LDLRAD3: variants seen among roughly 807,000 people sequenced by gnomAD.
LDLRAD3 encodes low-density lipoprotein receptor class A domain-containing protein 3.
A neutral mutation model predicts 29.4 loss-of-function variants in LDLRAD3; 20 were observed. That is an observed-to-expected ratio of 0.68 (90% CI 0.48 to 0.99). The LOEUF (loss-of-function observed/expected upper bound fraction) is 0.99. Among genes scored for constraint, LDLRAD3 ranks in the 50% least tolerant of loss-of-function variants. The pLI, the probability that LDLRAD3 is intolerant of heterozygous loss-of-function variation, is 0.00. For missense variants in LDLRAD3, 420 were observed against 454.3 expected (o/e 0.92, Z 0.69); for synonymous variants, 157 against 192.7 (o/e 0.81, Z 1.53).
chr11:35,984,652 A>T (rs1318079902), intron 1 of LDLRAD3, among the ~76,000 whole-genome samples: 1 of 152,154 alleles, frequency 6.6e-6, no homozygotes, highest in African/African-American at 2.4e-5. Flanking sequence ...TGTTTGTGAG[A>T]TGGAGTTTCG....
intron 4 of LDLRAD3, among the ~76,000 whole-genome samples, chr11:36,219,936 A>G (rs985029355): frequency 6.6e-6 from 1 of 152,242 alleles, no homozygotes; most frequent in Non-Finnish European, 1.5e-5. Flanking sequence ...GTGATAAAAT[A>G]CTATGTCACA....
In LDLRAD3 at chr11:36,067,887, C is replaced by T. The variant is rs532325114; in HGVS notation, c.194-13766C>T. On this transcript the variant is annotated intron_variant, in intron 2 of 5. Transcript: ENST00000315571. ...GTTTCACCATGTTGCTCAGGCTGGT[C>T]TTGAACTCTGAGTTCAAGCAATCCA... Among the ~76,000 whole-genome samples the T allele has an allele frequency of 1.4e-4, 21 of 152,196 alleles. No homozygotes were observed. In the South Asian group the frequency reaches 4.4e-3, roughly 32 times the overall value.
rs1031398928 is a variant in LDLRAD3, at chr11:36,061,009, G to A, written c.194-20644G>A. Among the ~76,000 whole-genome samples, 9 of 152,316 alleles carry A rather than the reference G, an allele frequency of 5.9e-5. No homozygotes were observed. In the South Asian group the frequency reaches 6.2e-4, roughly 11 times the overall value. On this transcript the variant is annotated intron_variant, in intron 2 of 5. Coordinates refer to ENST00000315571, the MANE Select transcript of LDLRAD3 (RefSeq NM_174902.4). Reference sequence around the variant, plus strand: ...GCTTCCTGTCTTCTGTGCAGTGTTGGTAATCATTCCTGCCTCACAGTTTTT... The same window carrying A: ...GCTTCCTGTCTTCTGTGCAGTGTTGATAATCATTCCTGCCTCACAGTTTTT...
intron 2 of LDLRAD3, among the ~76,000 whole-genome samples, chr11:36,079,553 G>A (rs1158752387): frequency 1.3e-5 from 2 of 152,230 alleles, no homozygotes; most frequent in African/African-American, 2.4e-5. Context: ...ACTGGTTGGG[G>A]CTGATGTTGT....
At chr11:36,087,862 C>G (rs1224393058) in intron 3 of LDLRAD3, among the ~76,000 whole-genome samples, 1 of 152,022 alleles carries the variant, frequency 6.6e-6, no homozygotes, top group Non-Finnish European at 1.5e-5. Context: ...TTCAGGCGCA[C>G]ACTACCACAC....
chr11:36,156,004 A>C (rs1202706491), intron 4 of LDLRAD3, among the ~76,000 whole-genome samples: 3 of 152,048 alleles, frequency 2.0e-5, no homozygotes, highest in Non-Finnish European at 4.4e-5. Flanking sequence ...CTGCCTCACC[A>C]TTTCTTTAGT....
intron 2 of LDLRAD3, 22 bp from the exon 3 acceptor site, chr11:36,081,631 C>A: frequency 6.2e-6 from 10 of 1,614,082 alleles, no homozygotes; most frequent in Non-Finnish European, 8.5e-6. Flanking sequence ...TGATGTCTTG[C>A]TGTTTCTTTT....
intron 1 of LDLRAD3, among the ~76,000 whole-genome samples, chr11:36,031,110 G>A (rs964318825): frequency 1.3e-5 from 2 of 151,908 alleles, no homozygotes; most frequent in African/African-American, 4.8e-5. Context: ...TGCAGATGGT[G>A]TAGTTATTTT....
chr11:36,065,775 G>C (rs1030431002), intron 2 of LDLRAD3, among the ~76,000 whole-genome samples: 1 of 152,128 alleles, frequency 6.6e-6, no homozygotes, highest in African/African-American at 2.4e-5. Flanking sequence ...TCACATTGTA[G>C]GCCTTTATAT....
At chr11:36,158,515 A>G (rs1854387567) in intron 4 of LDLRAD3, among the ~76,000 whole-genome samples, 3 of 107,702 alleles carry the variant, frequency 2.8e-5, no homozygotes, top group Admixed American at 2.0e-4. Context: ...TCCACTTACC[A>G]TGTTCTGGGC....
chr11:36,052,917 A>T (rs918396120), intron 2 of LDLRAD3, among the ~76,000 whole-genome samples: 1 of 152,126 alleles, frequency 6.6e-6, no homozygotes, highest in Non-Finnish European at 1.5e-5. Context: ...CATATCTGTC[A>T]TAAGGACCAA....
At chr11:36,079,369 G>A (rs1248318117) in intron 2 of LDLRAD3, among the ~76,000 whole-genome samples, 1 of 144,318 alleles carries the variant, frequency 6.9e-6, no homozygotes, top group Non-Finnish European at 1.5e-5. Flanking sequence ...TGATGATGAG[G>A]AGGATGAGGA....
intron 4 of LDLRAD3, among the ~76,000 whole-genome samples, chr11:36,160,018 T>C (rs1448119439): frequency 6.6e-6 from 1 of 152,148 alleles, no homozygotes; most frequent in Admixed American, 6.5e-5. Context: ...TTGCTAGTGG[T>C]TGATAAGACC....
At chr11:36,066,546 T>C (rs1053313886) in intron 2 of LDLRAD3, among the ~76,000 whole-genome samples, 1 of 152,240 alleles carries the variant, frequency 6.6e-6, no homozygotes, top group Non-Finnish European at 1.5e-5. Flanking sequence ...TTTATCCACA[T>C]ATGTGTGTGC....
At chr11:35,976,383 A>C (rs773595971) in intron 1 of LDLRAD3, among the ~76,000 whole-genome samples, 9 of 152,064 alleles carry the variant, frequency 5.9e-5, no homozygotes, top group Admixed American at 3.9e-4. Flanking sequence ...GTAGGAGGCA[A>C]TATGGGACTT....
intron 1 of LDLRAD3, among the ~76,000 whole-genome samples, chr11:35,953,129 G>A (rs547631032): frequency 6.6e-6 from 1 of 152,274 alleles, no homozygotes; most frequent in Non-Finnish European, 1.5e-5. Context: ...CTTTTGTTGA[G>A]TCATTGTGAT....
At chr11:36,206,405 C>T (rs1238695740) in intron 4 of LDLRAD3, among the ~76,000 whole-genome samples, 2 of 152,156 alleles carry the variant, frequency 1.3e-5, no homozygotes, top group South Asian at 2.1e-4. Flanking sequence ...GTTTGCTTTA[C>T]GGAAGACTAG....
intron 1 of LDLRAD3, among the ~76,000 whole-genome samples, chr11:36,002,200 A>G (rs761574580): frequency 1.6e-4 from 25 of 152,234 alleles, no homozygotes; most frequent in Non-Finnish European, 2.9e-4. Context: ...TGTTGTTACA[A>G]ACATCACTGT....
At chr11:36,110,116 T>C (rs1485978814) in intron 4 of LDLRAD3, 8 of 152,156 alleles carry the variant, frequency 5.3e-5, no homozygotes, top group African/African-American at 1.7e-4. Context: ...TTCTTAGTAA[T>C]AGAGTGTTTG....
Sources: gnomAD v4.1 joint callset for allele counts (sites outside exome capture counted in the v4.1 genomes callset) on GRCh38, gnomAD v4.1.1 for gene constraint, MANE v1.5 for transcripts, NCBI Gene and HGNC (gene_info 2026-07-23, HGNC 2026-07-21) for gene names.